The following LHFPL3 variants were observed in gnomAD, a reference collection of about 807,000 sequenced individuals.
The protein encoded by LHFPL3 is LHFPL tetraspan subfamily member 3 protein.
LHFPL3 carries 5 observed loss-of-function variants against 19.3 expected under a neutral mutation model. That is an observed-to-expected ratio of 0.26 (90% CI 0.14 to 0.54). The LOEUF (loss-of-function observed/expected upper bound fraction) is 0.54. LHFPL3 is among the 20% of genes least tolerant of loss of function. LHFPL3 has a pLI of 0.94. For synonymous variants in LHFPL3, 133 were observed against 126.2 expected, an observed-to-expected ratio of 1.05 and a Z score of -0.36; for missense variants, 249 against 307.4, an observed-to-expected ratio of 0.81 and a Z score of 1.42.
chr7:104,564,790 C>T (rs750415886), intron 1 of LHFPL3, among the ~76,000 whole-genome samples: 2 of 152,144 alleles, frequency 1.3e-5, no homozygotes, highest in East Asian at 1.9e-4. Context: ...AACCTGACAG[C>T]GCCACTCCAG....
intron 1 of LHFPL3, among the ~76,000 whole-genome samples, chr7:104,725,637 C>T (rs1038703394): frequency 3.3e-5 from 5 of 152,138 alleles, no homozygotes; most frequent in African/African-American, 1.2e-4. Flanking sequence ...TGTGTTTTAA[C>T]AATCTTGTTA....
At chr7:104,886,846 T>A (rs1198599771) in intron 2 of LHFPL3, among the ~76,000 whole-genome samples, 1 of 152,228 alleles carries the variant, frequency 6.6e-6, no homozygotes, top group Non-Finnish European at 1.5e-5. Context: ...GAGTCTCCCA[T>A]GGGCTAAGCT....
intron 2 of LHFPL3, among the ~76,000 whole-genome samples, chr7:104,882,651 G>A (rs542023886): frequency 2.0e-5 from 3 of 152,300 alleles, no homozygotes; most frequent in African/African-American, 7.2e-5. Context: ...AGAATGGTGA[G>A]TGACTGACAG....
At chr7:104,840,722 C>T (rs982138940) in intron 2 of LHFPL3, among the ~76,000 whole-genome samples, 6 of 151,932 alleles carry the variant, frequency 3.9e-5, no homozygotes, top group African/African-American at 1.5e-4. Context: ...CAGCATTCCA[C>T]CTATTATCTA....
At chr7:104,433,824 G>A (rs760307838) in intron 1 of LHFPL3, among the ~76,000 whole-genome samples, 4 of 152,000 alleles carry the variant, frequency 2.6e-5, no homozygotes, top group Non-Finnish European at 4.4e-5. Flanking sequence ...ACTGACTTCT[G>A]TCTTCCCTTC....
At chr7:104,543,217 C>T (rs556285576) in intron 1 of LHFPL3, among the ~76,000 whole-genome samples, 54 of 152,156 alleles carry the variant, frequency 3.5e-4, no homozygotes, top group South Asian at 2.5e-3. Flanking sequence ...CAGGCCTTAA[C>T]CATCTCACAC....
intron 2 of LHFPL3, among the ~76,000 whole-genome samples, chr7:104,754,718 G>C (rs535513108): frequency 6.6e-6 from 1 of 152,202 alleles, no homozygotes; most frequent in African/African-American, 2.4e-5. Context: ...AGAAAGCATT[G>C]AGAGTAGGAA....
At chr7:104,426,701 C>T (rs1791853577) in intron 1 of LHFPL3, among the ~76,000 whole-genome samples, 1 of 152,168 alleles carries the variant, frequency 6.6e-6, no homozygotes, top group Non-Finnish European at 1.5e-5. Flanking sequence ...AGTTCCCTAC[C>T]TTATATATAG....
chr7:104,851,057 A>G (rs950086857), intron 2 of LHFPL3, among the ~76,000 whole-genome samples: 2 of 152,182 alleles, frequency 1.3e-5, no homozygotes, highest in African/African-American at 4.8e-5. Flanking sequence ...CTTCTCTTAG[A>G]GATAAATATT....
intron 2 of LHFPL3, among the ~76,000 whole-genome samples, chr7:104,837,797 T>A (rs1370768169): frequency 2.0e-5 from 3 of 152,168 alleles, no homozygotes; most frequent in African/African-American, 7.2e-5. Context: ...ACACAGGAAT[T>A]TAGCTGCCAC....
chr7:104,468,186 A>G (rs1395955692), intron 1 of LHFPL3, among the ~76,000 whole-genome samples: 1 of 152,178 alleles, frequency 6.6e-6, no homozygotes, highest in Non-Finnish European at 1.5e-5. Context: ...CCTCTACCTC[A>G]ACTGGCTTGT....
chr7:104,596,066 C>T (rs1346464086), intron 1 of LHFPL3, among the ~76,000 whole-genome samples: 1 of 152,212 alleles, frequency 6.6e-6, no homozygotes, highest in African/African-American at 2.4e-5. Flanking sequence ...GTGGGCTGCA[C>T]CCACTGTCCA....
intron 1 of LHFPL3, among the ~76,000 whole-genome samples, chr7:104,505,125 G>A (rs1011486760): frequency 1.3e-5 from 2 of 152,140 alleles, no homozygotes; most frequent in East Asian, 1.9e-4. Flanking sequence ...TTACAGTTGC[G>A]TCAGAGTGGC....
At chr7:104,737,727 A>G (rs1041128348) in intron 2 of LHFPL3, among the ~76,000 whole-genome samples, 1 of 152,064 alleles carries the variant, frequency 6.6e-6, no homozygotes, top group East Asian at 1.9e-4. Flanking sequence ...TTTTATCTTT[A>G]TGTTATCTTT....
chr7:104,891,338 T>A (rs1360014658), intron 2 of LHFPL3, among the ~76,000 whole-genome samples: 1 of 151,984 alleles, frequency 6.6e-6, no homozygotes, highest in Admixed American at 6.6e-5. Context: ...GGCTGCATCA[T>A]AACATGGCGG....
At chr7:104,400,166 A>G (rs534944428) in intron 1 of LHFPL3, among the ~76,000 whole-genome samples, 73 of 140,974 alleles carry the variant, frequency 5.2e-4, no homozygotes, top group African/African-American at 1.7e-3. Flanking sequence ...AGGAGAGCTG[A>G]AATTTGACCT....
At chr7:104,503,034 A>G (rs1584363933) in intron 1 of LHFPL3, among the ~76,000 whole-genome samples, 3 of 152,172 alleles carry the variant, frequency 2.0e-5, no homozygotes, top group African/African-American at 4.8e-5. Flanking sequence ...TTATTTCTAG[A>G]AACTTATATT....
At position 104,454,897 on chromosome 7, in the gene LHFPL3, A is replaced by G. The variant is rs150503535; in HGVS notation, c.445+125673A>G. Among the ~76,000 whole-genome samples, 492 of 152,368 alleles carry G rather than the reference A, an allele frequency of 3.2e-3. 3 individuals carry two copies. Among genetic ancestry groups the G allele is most frequent in the African/African-American group, 0.011 (471 of 41,590 alleles). ...TTAATTCATAAAGTACAAATTATTTAGAAATGCTGTTCTTTGTTACCACTG... is the reference window on the plus strand; with the variant it reads ...TTAATTCATAAAGTACAAATTATTTGGAAATGCTGTTCTTTGTTACCACTG... On this transcript the variant is annotated intron_variant, in intron 1 of 2. Transcript: ENST00000424859.
chr7:104,731,976 G>A (rs1391350992), intron 1 of LHFPL3, among the ~76,000 whole-genome samples: 1 of 152,208 alleles, frequency 6.6e-6, no homozygotes, highest in Non-Finnish European at 1.5e-5. Context: ...CATCTATTGA[G>A]ATAATCATGT....
Sources: allele counts gnomAD v4.1 joint callset (sites outside exome capture counted in the v4.1 genomes callset), GRCh38; gene constraint gnomAD v4.1.1; transcripts MANE v1.5; gene names NCBI Gene and HGNC (gene_info 2026-07-23, HGNC 2026-07-21).